SPAG17: variants seen among roughly 807,000 people sequenced by gnomAD.
SPAG17 encodes the protein sperm-associated antigen 17.
SPAG17 carries 169 observed loss-of-function variants against 273.6 expected under a neutral mutation model. The ratio of observed to expected loss-of-function variants is 0.62; its 90% confidence interval spans 0.55 to 0.70. The LOEUF (loss-of-function observed/expected upper bound fraction) is 0.70, where lower values mean the gene tolerates loss of function less well. Among genes scored for constraint, SPAG17 ranks in the 30% least tolerant of loss-of-function variants. SPAG17 has a pLI of 0.00. For missense variants in SPAG17, 2,557 were observed against 2,627.8 expected, an observed-to-expected ratio of 0.97 and a Z score of 0.59; for synonymous variants, 825 against 873.2, an observed-to-expected ratio of 0.94 and a Z score of 0.97.
intron 32 of SPAG17, among the ~76,000 whole-genome samples, chr1:118,001,193 G>T (rs1033241435): frequency 1.8e-4 from 27 of 152,116 alleles, no homozygotes; most frequent in Non-Finnish European, 3.1e-4. Context: ...TGGCGGATAA[G>T]GTTTTGATGT....
chr1:118,083,105 G>A (rs1424693183), intron 13 of SPAG17, among the ~76,000 whole-genome samples: 4 of 152,190 alleles, frequency 2.6e-5, no homozygotes, highest in Middle Eastern at 3.4e-3. Flanking sequence ...CTGCAGGCAC[G>A]TGCCACCACA....
chr1:118,048,405 C>G (rs1002385490), intron 20 of SPAG17, among the ~76,000 whole-genome samples: 2 of 152,134 alleles, frequency 1.3e-5, no homozygotes, highest in African/African-American at 4.8e-5. Flanking sequence ...CAGACCCAGG[C>G]TTCAGGCTGA....
chr1:117,959,521 G>A, intron 48 of SPAG17: 1 of 1,406,998 alleles, frequency 7.1e-7, no homozygotes, highest in Non-Finnish European at 9.4e-7. Flanking sequence ...CAGAAGAGTT[G>A]GCGTCATCTT....
chr1:118,110,734 T>A lies in SPAG17; in HGVS notation c.447+4576A>T, dbSNP rs113968161. Among the ~76,000 whole-genome samples the A allele has an allele frequency of 6.6e-3, 1,001 of 152,280 alleles. 10 individuals carry two copies. Among genetic ancestry groups the A allele is most frequent in the African/African-American group, 0.016 (660 of 41,550 alleles). On this transcript the variant is annotated intron_variant, in intron 4 of 48. Transcript: ENST00000336338. ...ATGCAATGTAATTAATGGAACCAGA[T>A]GGTTGTGAGTACATCACTGAGCACA...
intron 31 of SPAG17, among the ~76,000 whole-genome samples, chr1:118,007,009 C>G (rs1658965093): frequency 6.6e-6 from 1 of 151,396 alleles, no homozygotes; most frequent in South Asian, 2.1e-4. Flanking sequence ...GTACATGAGA[C>G]CATTATCAGT....
intron 3 of SPAG17, among the ~76,000 whole-genome samples, chr1:118,144,995 G>C (rs549965552): frequency 3.3e-5 from 5 of 152,282 alleles, no homozygotes; most frequent in Non-Finnish European, 5.9e-5. Flanking sequence ...CATTAGGTTG[G>C]CTAGCTTCCA....
chr1:117,992,512 T>A lies in SPAG17; in HGVS notation c.5315A>T (p.Glu1772Val). ...VLQMRQFIQH[E>V]VIKNEVKLRL... ...CAGTTTCACCTCATTCTTTATGACCTCATGCTGAATGAATTGGCGCATCTG... is the reference window on the plus strand; with the variant it reads ...CAGTTTCACCTCATTCTTTATGACCACATGCTGAATGAATTGGCGCATCTG... The change falls in exon 36 of 49, where the codon GAG becomes GTG. Residue 1772 changes from glutamate to valine, a missense_variant. Transcript: ENST00000336338. 1 of 1,613,644 alleles carries A rather than the reference T, an allele frequency of 6.2e-7. No homozygotes were observed. Among genetic ancestry groups the A allele is most frequent in the Non-Finnish European group, 8.5e-7 (1 of 1,179,786 alleles).
intron 3 of SPAG17, among the ~76,000 whole-genome samples, chr1:118,129,100 A>G (rs1284239998): frequency 6.6e-6 from 1 of 152,220 alleles, no homozygotes; most frequent in African/African-American, 2.4e-5. Flanking sequence ...TGAAGCTCCT[A>G]CACAGATGAA....
intron 3 of SPAG17, among the ~76,000 whole-genome samples, chr1:118,144,185 G>A (rs774027628): frequency 3.9e-5 from 6 of 152,162 alleles, no homozygotes; most frequent in Non-Finnish European, 7.3e-5. Flanking sequence ...GGAGGCAAAC[G>A]TATTCACACC....
At chr1:118,024,012 T>C (rs927270034) in intron 27 of SPAG17, among the ~76,000 whole-genome samples, 2 of 152,152 alleles carry the variant, frequency 1.3e-5, no homozygotes, top group Non-Finnish European at 2.9e-5. Flanking sequence ...TTTTTATTCT[T>C]GTATAGGTAA....
chr1:118,168,958 T>G (rs1456269832), intron 1 of SPAG17, among the ~76,000 whole-genome samples: 1 of 152,114 alleles, frequency 6.6e-6, no homozygotes. Context: ...AAAGGCCACA[T>G]TAGGCAGAGC....
chr1:117,982,750 T>A (rs1037165089), intron 42 of SPAG17, among the ~76,000 whole-genome samples: 6 of 152,212 alleles, frequency 3.9e-5, no homozygotes, highest in Admixed American at 6.5e-5. Flanking sequence ...TTCTCCAAAA[T>A]ATCTTTTATA....
Position 118,119,106 on chromosome 1 carries a change from T to C in SPAG17, c.316-3665A>G, listed in dbSNP as rs1271787468. ...CTCTCATGGAAACCAAATATATGCA[T>C]GCATGTATGTGTGTGTGCATACATA... On this transcript the variant is annotated intron_variant, in intron 3 of 48. Coordinates refer to ENST00000336338, the MANE Select transcript of SPAG17 (RefSeq NM_206996.4). 3.9e-5 allele frequency among the ~76,000 whole-genome samples: 6 copies of C among 152,144 alleles called. No individual in the cohort carries two copies. The South Asian group carries it at 6.2e-4, about 16-fold the overall frequency.
intron 32 of SPAG17, among the ~76,000 whole-genome samples, chr1:118,004,299 C>G (rs913830161): frequency 1.3e-5 from 2 of 152,140 alleles, no homozygotes; most frequent in Admixed American, 1.3e-4. Flanking sequence ...GCAGTGTGTC[C>G]CTTCTCGGAG....
intron 1 of SPAG17, among the ~76,000 whole-genome samples, chr1:118,184,208 G>GA (rs151035471): frequency 0.059 from 8,934 of 151,702 alleles, 423 homozygotes; most frequent in East Asian, 0.27. Context: ...TATATAAAAT[G>GA]AAAAAAAAAT....
At chr1:117,982,362 C>T (rs916793424) in intron 42 of SPAG17, among the ~76,000 whole-genome samples, 1 of 151,910 alleles carries the variant, frequency 6.6e-6, no homozygotes, top group Non-Finnish European at 1.5e-5. Flanking sequence ...CTGCCTTAGC[C>T]TCCCTAGTAG....
intron 1 of SPAG17, among the ~76,000 whole-genome samples, chr1:118,181,349 G>T (rs926668375): frequency 1.3e-5 from 2 of 151,154 alleles, no homozygotes; most frequent in African/African-American, 4.9e-5. Context: ...TGGCAGAATG[G>T]ATTAAAAAAA....
chr1:117,996,617 A>G lies in SPAG17; in HGVS notation c.4903T>C (p.Tyr1635His). The change falls in exon 33 of 49, where the codon TAT (tyrosine) becomes CAT (histidine). Residue 1635 changes from tyrosine to histidine, a missense_variant. Coordinates refer to ENST00000336338, the MANE Select transcript of SPAG17 (RefSeq NM_206996.4). ...TTTTACCTGGGGACATGTTCACCAT[A>G]GATTTGCTGATGATTCTTTTCAAGG... ...MHLEKNHQQI[Y>H]GEHVPRFFVM... 1.9e-6 allele frequency: 3 copies of G among 1,611,588 alleles called. No homozygotes were observed. The highest frequency in any genetic ancestry group is 2.5e-6 in the Non-Finnish European group (3 of 1,179,144).
chr1:118,098,846 A>G (rs1655878713), intron 6 of SPAG17, among the ~76,000 whole-genome samples: 1 of 152,212 alleles, frequency 6.6e-6, no homozygotes, highest in South Asian at 2.1e-4. Flanking sequence ...TTTATAGAGC[A>G]GCAATTTAAA....
Sources: gnomAD v4.1 joint callset for allele counts (sites outside exome capture counted in the v4.1 genomes callset) on GRCh38, gnomAD v4.1.1 for gene constraint, MANE v1.5 for transcripts, NCBI Gene and HGNC (gene_info 2026-07-23, HGNC 2026-07-21) for gene names.